The following PRKN variants were observed in gnomAD, a reference collection of about 807,000 sequenced individuals.
PRKN encodes the protein parkin RBR E3 ubiquitin protein ligase.
Under a neutral mutation model 59.5 loss-of-function variants are expected in PRKN, and 56 were observed. The observed-to-expected ratio is 0.94, with a 90% CI of 0.76 to 1.18. The LOEUF (loss-of-function observed/expected upper bound fraction) is 1.18, where lower values mean the gene tolerates loss of function less well. PRKN is among the 50% of genes most tolerant of loss of function. PRKN has a pLI of 0.00. For synonymous variants in PRKN, 250 were observed against 222.1 expected, an observed-to-expected ratio of 1.13 and a Z score of -1.12; for missense variants, 657 against 596.4, an observed-to-expected ratio of 1.10 and a Z score of -1.06.
chr6:162,727,345 C>A (rs1192694029), intron 1 of PRKN: 6 of 311,090 alleles, frequency 1.9e-5, no homozygotes, highest in East Asian at 9.0e-5. Flanking sequence ...GAGAAGGCTT[C>A]GGGACCCCAC....
In PRKN at chr6:161,548,597, C is replaced by G. The variant is rs1779876616; in HGVS notation, c.1083+257G>C. ...TTTAAAAGTCTGGCCTAGTGGCTCACAGCATCTTAAAGTAAATACTTCCAT... is the reference window on the plus strand; with the variant it reads ...TTTAAAAGTCTGGCCTAGTGGCTCAGAGCATCTTAAAGTAAATACTTCCAT... On this transcript the variant is annotated intron_variant, in intron 9 of 11. Coordinates refer to ENST00000366898, the MANE Select transcript of PRKN (RefSeq NM_004562.3). This position sits in a 1 kb window ranked among gnomAD's most constrained non-coding sequence, Gnocchi z 4.2. 6.6e-6 allele frequency among the ~76,000 whole-genome samples: 1 copy of G among 152,168 alleles called. No homozygotes were observed. Among genetic ancestry groups the G allele is most frequent in the South Asian group, 2.1e-4 (1 of 4,828 alleles).
At chr6:161,838,470 G>C (rs9346884) in intron 6 of PRKN, among the ~76,000 whole-genome samples, 60,528 of 152,044 alleles carry the variant, frequency 0.4, 12,263 homozygotes, top group East Asian at 0.55. Context: ...CGAGCCTCAG[G>C]TTCCAAGTCT....
At chr6:161,806,473 AAGCCAGACTTGCC>A (rs950436206) in intron 6 of PRKN, among the ~76,000 whole-genome samples, 6 of 152,250 alleles carry the variant, frequency 3.9e-5, no homozygotes, top group Admixed American at 2.6e-4. Flanking sequence ...TCAGACTTAC[AAGCCAGACTTGCC>A]CAGTCTCTCT....
intron 1 of PRKN, among the ~76,000 whole-genome samples, chr6:162,676,108 A>G (rs905089104): frequency 6.6e-6 from 1 of 152,184 alleles, no homozygotes; most frequent in Non-Finnish European, 1.5e-5. Context: ...ATACTTAGAG[A>G]GGAAGACACT....
At chr6:161,453,670 T>G (rs1264274606) in intron 9 of PRKN, among the ~76,000 whole-genome samples, 3 of 152,030 alleles carry the variant, frequency 2.0e-5, no homozygotes, top group Non-Finnish European at 4.4e-5. Context: ...GTAAGTCAAT[T>G]CTTTGAAATA....
intron 7 of PRKN, among the ~76,000 whole-genome samples, chr6:161,660,101 T>C (rs1170032597): frequency 6.6e-6 from 1 of 152,188 alleles, no homozygotes; most frequent in Non-Finnish European, 1.5e-5. Flanking sequence ...ACTATTACTA[T>C]AATGATTAGA....
chr6:162,413,720 T>C (rs149071786), intron 2 of PRKN, among the ~76,000 whole-genome samples: 103 of 152,368 alleles, frequency 6.8e-4, no homozygotes, highest in African/African-American at 2.4e-3. Flanking sequence ...CCAGTCATGT[T>C]ATTCTTTCAT....
At position 161,395,961 on chromosome 6, in the gene PRKN, G is replaced by C. The variant is rs1786738611; in HGVS notation, c.1084-9084C>G. On this transcript the variant is annotated intron_variant, in intron 9 of 11. Coordinates refer to ENST00000366898, the MANE Select transcript of PRKN (RefSeq NM_004562.3). The surrounding 1 kb of genome is among the most constrained non-coding windows in gnomAD (Gnocchi z 5.0). ...ATTAGAGGTCCAGGTTAGAGAGAAAGAAACAGTGAATGGGGGAACGGCAGC... is the reference window on the plus strand; with the variant it reads ...ATTAGAGGTCCAGGTTAGAGAGAAACAAACAGTGAATGGGGGAACGGCAGC... Among the ~76,000 whole-genome samples, 1 of 152,152 alleles carries C rather than the reference G, an allele frequency of 6.6e-6. No homozygotes were observed. Among genetic ancestry groups the C allele is most frequent in the Non-Finnish European group, 1.5e-5 (1 of 67,976 alleles).
intron 1 of PRKN, among the ~76,000 whole-genome samples, chr6:162,650,454 C>T (rs1345862381): frequency 4.0e-5 from 6 of 151,384 alleles, no homozygotes; most frequent in Non-Finnish European, 7.4e-5. Context: ...AAAAATTAGC[C>T]GGGCGTAGTG....
chr6:162,412,910 A>C (rs1788420582), intron 2 of PRKN, among the ~76,000 whole-genome samples: 1 of 152,204 alleles, frequency 6.6e-6, no homozygotes, highest in Admixed American at 6.5e-5. Context: ...TTTGCATTAA[A>C]ACATTTTTTT....
intron 6 of PRKN, among the ~76,000 whole-genome samples, chr6:161,828,744 C>A (rs7758666): frequency 0.25 from 37,606 of 151,990 alleles, 5,330 homozygotes; most frequent in East Asian, 0.4. Context: ...AATGACAAAA[C>A]CCCATCTCTA....
At chr6:162,089,800 T>C (rs931027330) in intron 4 of PRKN, among the ~76,000 whole-genome samples, 1 of 152,232 alleles carries the variant, frequency 6.6e-6, no homozygotes, top group African/African-American at 2.4e-5. Context: ...ACGTATTACA[T>C]GTTTCCATTT....
intron 9 of PRKN, among the ~76,000 whole-genome samples, chr6:161,494,654 G>A (rs923281429): frequency 6.6e-6 from 1 of 152,324 alleles, no homozygotes; most frequent in South Asian, 2.1e-4. Context: ...CTGATACTGT[G>A]TGAGAGCTTT....
chr6:162,112,641 C>T (rs1273479261), intron 4 of PRKN, among the ~76,000 whole-genome samples: 4 of 152,000 alleles, frequency 2.6e-5, no homozygotes, highest in Non-Finnish European at 2.9e-5. Flanking sequence ...CTAGGCCGGG[C>T]GCAGTGGCTC....
chr6:161,885,664 CA>C (rs57209835), intron 6 of PRKN, among the ~76,000 whole-genome samples: 67 of 114,272 alleles, frequency 5.9e-4, no homozygotes, highest in South Asian at 1.9e-3. Context: ...GACTCTGTCT[CA>C]AAAAAAAAAA....
At position 161,373,387 on chromosome 6, in the gene PRKN, C is replaced by A. The variant is rs1476486698; in HGVS notation, c.1168-13182G>T. 6.6e-6 allele frequency among the ~76,000 whole-genome samples: 1 copy of A among 152,112 alleles called. No individual in the cohort carries two copies. Among genetic ancestry groups the A allele is most frequent in the Non-Finnish European group, 1.5e-5 (1 of 68,036 alleles). ...GTTTAAGACTAGATCTGTTTGACTTCAAGCCCCCTCTGCTTGTCTTGGATT... is the reference window on the plus strand; with the variant it reads ...GTTTAAGACTAGATCTGTTTGACTTAAAGCCCCCTCTGCTTGTCTTGGATT... On this transcript the variant is annotated intron_variant, in intron 10 of 11. Transcript: ENST00000366898. This position sits in a 1 kb window ranked among gnomAD's most constrained non-coding sequence, Gnocchi z 4.8.
At chr6:161,571,672 A>C (rs1181545462) in intron 7 of PRKN, among the ~76,000 whole-genome samples, 2 of 152,184 alleles carry the variant, frequency 1.3e-5, no homozygotes, top group African/African-American at 4.8e-5. Context: ...GGGTATGATG[A>C]TGAATTTATG....
At chr6:162,277,664 T>C (rs1305895481) in intron 2 of PRKN, among the ~76,000 whole-genome samples, 1 of 152,038 alleles carries the variant, frequency 6.6e-6, no homozygotes, top group Non-Finnish European at 1.5e-5. Flanking sequence ...CCAAAGAAGA[T>C]ACAGAGATGG....
chr6:162,069,212 G>A (rs552176357), intron 4 of PRKN, among the ~76,000 whole-genome samples: 2 of 152,244 alleles, frequency 1.3e-5, no homozygotes, highest in South Asian at 4.1e-4. Flanking sequence ...CTATTCTCAT[G>A]ATAGTGAATA....
Sources: allele counts gnomAD v4.1 joint callset (sites outside exome capture counted in the v4.1 genomes callset), GRCh38; gene constraint gnomAD v4.1.1; non-coding constraint Gnocchi (gnomAD v3.1); transcripts MANE v1.5; gene names NCBI Gene and HGNC (gene_info 2026-07-23, HGNC 2026-07-21).